The following HS2ST1 variants were observed in gnomAD, a reference collection of about 807,000 sequenced individuals.
HS2ST1 encodes heparan sulfate 2-O-sulfotransferase 1.
In HS2ST1, 18 loss-of-function variants were observed where a neutral mutation model predicts 42.9. The ratio of observed to expected loss-of-function variants is 0.42; its 90% CI spans 0.29 to 0.62. The LOEUF (loss-of-function observed/expected upper bound fraction) is 0.62, where lower values mean the gene tolerates loss of function less well. HS2ST1 is among the 20% of genes least tolerant of loss of function. HS2ST1 has a pLI of 0.21. For missense variants in HS2ST1, 334 were observed against 433.8 expected (o/e 0.77, Z 2.04); for synonymous variants, 146 against 152.9 (o/e 0.95, Z 0.33).
rs1652389905 is a variant in HS2ST1, at chr1:87,108,589, A to G, written c.*3893A>G. 1 of 152,104 alleles carries G rather than the reference A, an allele frequency of 6.6e-6. No individual in the cohort carries two copies. The highest frequency in any genetic ancestry group is 2.4e-5 in the African/African-American group (1 of 41,448). The allele number at this position is 152,104 out of a possible 1,614,324, so 9.4% of individuals were successfully genotyped here. On this transcript the variant is annotated 3_prime_UTR_variant, in exon 7 of 7. Transcript: ENST00000370550. Reference sequence around the variant, plus strand: ...CAACCCTGTTTCAAATCCACTGCCAATTCAGCTCCTCTGGAGTGGAGCTTT... The same window carrying G: ...CAACCCTGTTTCAAATCCACTGCCAGTTCAGCTCCTCTGGAGTGGAGCTTT...
intron 1 of HS2ST1, among the ~76,000 whole-genome samples, chr1:86,972,357 AT>A (rs931080594): frequency 4.0e-5 from 6 of 151,276 alleles, no homozygotes; most frequent in African/African-American, 1.2e-4. Context: ...TTTAATAATT[AT>A]TTTTTTTTAA....
At chr1:86,992,737 C>CT (rs985379493) in intron 1 of HS2ST1, among the ~76,000 whole-genome samples, 1 of 152,150 alleles carries the variant, frequency 6.6e-6, no homozygotes, top group Non-Finnish European at 1.5e-5. Flanking sequence ...GATTCATTGG[C>CT]TGGGGCCCTT....
At chr1:86,944,477 C>A (rs756359398) in intron 1 of HS2ST1, among the ~76,000 whole-genome samples, 2 of 152,114 alleles carry the variant, frequency 1.3e-5, no homozygotes, top group Non-Finnish European at 2.9e-5. Context: ...ACCTCAGCCT[C>A]CCGAGTAGCT....
At chr1:87,067,145 A>G (rs1651274247) in intron 1 of HS2ST1, among the ~76,000 whole-genome samples, 1 of 152,222 alleles carries the variant, frequency 6.6e-6, no homozygotes, top group South Asian at 2.1e-4. Context: ...AGGAATCGCC[A>G]CATTGTTTTC....
At chr1:86,995,916 A>T (rs551110959) in intron 1 of HS2ST1, among the ~76,000 whole-genome samples, 7 of 152,316 alleles carry the variant, frequency 4.6e-5, no homozygotes, top group African/African-American at 1.7e-4. Context: ...TGAAAAGGTG[A>T]TAATTAAGAT....
chr1:86,988,201 A>T (rs577994609), intron 1 of HS2ST1, among the ~76,000 whole-genome samples: 1 of 152,356 alleles, frequency 6.6e-6, no homozygotes, highest in South Asian at 2.1e-4. Flanking sequence ...ACAAGGAAAG[A>T]TGTAGCAAAG....
intron 1 of HS2ST1, among the ~76,000 whole-genome samples, chr1:87,009,317 G>C (rs1649527047): frequency 6.6e-6 from 1 of 152,164 alleles, no homozygotes; most frequent in Non-Finnish European, 1.5e-5. Flanking sequence ...AAAGAAGTAG[G>C]AAAGGTGAAC....
intron 1 of HS2ST1, among the ~76,000 whole-genome samples, chr1:86,951,086 T>C (rs1357074290): frequency 1.3e-5 from 2 of 152,236 alleles, no homozygotes; most frequent in African/African-American, 4.8e-5. Flanking sequence ...AGTTTCAATA[T>C]TTGTTTCAGC....
At chr1:87,047,238 T>C (rs1347062151) in intron 1 of HS2ST1, among the ~76,000 whole-genome samples, 1 of 152,186 alleles carries the variant, frequency 6.6e-6, no homozygotes, top group African/African-American at 2.4e-5. Context: ...TCTGCATATC[T>C]CTTTTTTGGG....
chr1:87,104,157 C>G (rs1280257372), intron 6 of HS2ST1, among the ~76,000 whole-genome samples: 1 of 152,056 alleles, frequency 6.6e-6, no homozygotes, highest in African/African-American at 2.4e-5. Flanking sequence ...CAAAAATAAA[C>G]TAGTCTCAGA....
rs191097601 is a variant in HS2ST1 at position 87,015,967 on chromosome 1, C to A, written c.125-56967C>A. On this transcript the variant is annotated intron_variant, in intron 1 of 6. Transcript: ENST00000370550. Reference sequence around the variant, plus strand: ...GGGTAGCTGGGATTACAGGCATGCACCACCACGCCCTGATAATTTTTATAT... The same window carrying A: ...GGGTAGCTGGGATTACAGGCATGCAACACCACGCCCTGATAATTTTTATAT... 2.6e-3 allele frequency among the ~76,000 whole-genome samples: 393 copies of A among 152,122 alleles called. 4 individuals are homozygous for A. Among genetic ancestry groups the A allele is most frequent in the Middle Eastern group, 0.01 (3 of 294 alleles).
intron 1 of HS2ST1, among the ~76,000 whole-genome samples, chr1:86,992,185 C>G (rs1277287049): frequency 1.3e-5 from 2 of 151,720 alleles, no homozygotes; most frequent in African/African-American, 2.4e-5. Context: ...CACCACTACC[C>G]CCACCCCCAA....
chr1:87,089,540 A>T (rs910184213), intron 3 of HS2ST1, among the ~76,000 whole-genome samples: 1 of 152,050 alleles, frequency 6.6e-6, no homozygotes, highest in Non-Finnish European at 1.5e-5. Context: ...GCTCCTATAG[A>T]AACTAGCTGG....
chr1:86,984,623 G>A (rs1330012325), intron 1 of HS2ST1, among the ~76,000 whole-genome samples: 3 of 152,104 alleles, frequency 2.0e-5, no homozygotes, highest in East Asian at 1.9e-4. Flanking sequence ...AGTGGTTCGC[G>A]CCTGTAATCC....
chr1:87,043,747 T>C (rs2100606792), intron 1 of HS2ST1, among the ~76,000 whole-genome samples: 1 of 152,212 alleles, frequency 6.6e-6, no homozygotes, highest in South Asian at 2.1e-4. Flanking sequence ...ACTAAATATA[T>C]CAAGCCTTTC....
At chr1:87,009,304 T>C (rs1649526290) in intron 1 of HS2ST1, among the ~76,000 whole-genome samples, 1 of 152,160 alleles carries the variant, frequency 6.6e-6, no homozygotes, top group African/African-American at 2.4e-5. Context: ...CAGTAATCTT[T>C]GGAAAGAAGT....
At chr1:87,030,280 T>A (rs1391830292) in intron 1 of HS2ST1, among the ~76,000 whole-genome samples, 1 of 152,120 alleles carries the variant, frequency 6.6e-6, no homozygotes, top group East Asian at 1.9e-4. Context: ...CTGGAGGATA[T>A]CTTGGGCCAG....
intron 1 of HS2ST1, among the ~76,000 whole-genome samples, chr1:86,988,923 A>G (rs1311877852): frequency 3.3e-5 from 5 of 152,252 alleles, no homozygotes; most frequent in Non-Finnish European, 7.3e-5. Context: ...ATGCAGTGCG[A>G]TTGGAATACT....
At chr1:86,935,746 G>A (rs1309690805) in intron 1 of HS2ST1, among the ~76,000 whole-genome samples, 2 of 152,070 alleles carry the variant, frequency 1.3e-5, no homozygotes, top group African/African-American at 2.4e-5. Flanking sequence ...TTACAGGCGT[G>A]AGCCACCACA....
Sources: gnomAD v4.1 joint callset for allele counts (sites outside exome capture counted in the v4.1 genomes callset) on GRCh38, gnomAD v4.1.1 for gene constraint, MANE v1.5 for transcripts, NCBI Gene and HGNC (gene_info 2026-07-23, HGNC 2026-07-21) for gene names.